Variants in SRRM3 observed in about 807,000 individuals in gnomAD.
The protein encoded by SRRM3 is serine/arginine repetitive matrix protein 3.
A neutral mutation model predicts 66.2 loss-of-function variants in SRRM3; 27 were observed. That is an observed-to-expected ratio of 0.41 (90% CI 0.30 to 0.56). The LOEUF (loss-of-function observed/expected upper bound fraction) is 0.56. Among genes scored for constraint, SRRM3 ranks in the 20% least tolerant of loss-of-function variants. The pLI is 0.32. For missense variants in SRRM3, 918 were observed against 991.9 expected, an observed-to-expected ratio of 0.93 and a Z score of 1.00; for synonymous variants, 391 against 414.9, an observed-to-expected ratio of 0.94 and a Z score of 0.70.
At chr7:76,228,678 C>T (rs539585148) in intron 1 of SRRM3, among the ~76,000 whole-genome samples, 24 of 151,980 alleles carry the variant, frequency 1.6e-4, no homozygotes, top group Non-Finnish European at 1.6e-4. Flanking sequence ...GAGCTGAGAT[C>T]GCACCATTGC....
intron 1 of SRRM3, among the ~76,000 whole-genome samples, chr7:76,223,643 C>T (rs1413198933): frequency 1.3e-5 from 2 of 152,138 alleles, no homozygotes; most frequent in African/African-American, 4.8e-5. Context: ...TCTTTTTCCT[C>T]AGGAGGCACA....
chr7:76,261,018 C>T, intron 6 of SRRM3, 115 bp downstream of exon 6: 1 of 1,153,036 alleles, frequency 8.7e-7, no homozygotes, highest in Non-Finnish European at 1.2e-6. Context: ...TGCACCTGGA[C>T]ACTGCCAAGG....
In SRRM3 at chr7:76,235,235, C is replaced by A; in HGVS notation, c.169C>A (p.His57Asn). 1 of 1,556,018 alleles carries A rather than the reference C, an allele frequency of 6.4e-7. No homozygotes were observed. Among genetic ancestry groups the A allele is most frequent in the East Asian group, 2.4e-5 (1 of 42,050 alleles). The change falls in exon 2 of 15, where the codon CAC (histidine) becomes AAC (asparagine). Residue 57 changes from histidine to asparagine, a missense_variant. His to Asn is a moderately conservative substitution (Grantham distance 68). Coordinates refer to ENST00000611745, the MANE Select transcript of SRRM3 (RefSeq NM_001110199.3). ...GCGCGCGCACCGCGAGATCCTGGAC[C>A]ACGAGCGCAAGCGGCGGGTGGAGCT... is the stretch of plus-strand genomic sequence containing the variant. ...VKRAHREILD[H>N]ERKRRVELKC... is the part of the protein sequence containing the mutation.
In SRRM3 at chr7:76,248,306, G is replaced by A. The variant is rs1801492192; in HGVS notation, c.335+17G>A. ...GGGCCACATGTGAGTGCTTACCTGT[G>A]TGGGGATGAGGGAGAGGGGGTGCAG... On this transcript the variant is annotated intron_variant, in intron 3 of 14. Transcript: ENST00000611745. 2 of 1,595,994 alleles carry A rather than the reference G, an allele frequency of 1.3e-6. No individual in the cohort carries two copies. Among genetic ancestry groups the A allele is most frequent in the Middle Eastern group, 1.7e-4 (1 of 6,040 alleles).
At chr7:76,267,137 A>C (rs1449450784) in intron 10 of SRRM3, 121 bp from the exon 11 acceptor site, 2 of 940,554 alleles carry the variant, frequency 2.1e-6, no homozygotes, top group South Asian at 2.4e-5. Flanking sequence ...GCATGGTGAA[A>C]AGGCAGGTGG....
intron 3 of SRRM3, among the ~76,000 whole-genome samples, chr7:76,249,367 G>A (rs889221825): frequency 4.2e-5 from 6 of 143,548 alleles, no homozygotes; most frequent in East Asian, 2.1e-4. Flanking sequence ...GTGACAGAGC[G>A]AGACTCTGTC....
At position 76,282,951 on chromosome 7, in the gene SRRM3, G is replaced by A; in HGVS notation, c.1596-13G>A. 7.5e-7 allele frequency: 1 copy of A among 1,334,700 alleles called. No individual in the cohort carries two copies. The highest frequency in any genetic ancestry group is 1.9e-5 in the South Asian group (1 of 51,686). The allele number at this position is 1,334,700 out of a possible 1,614,324, so 82.7% of individuals were successfully genotyped here. On this transcript the variant is annotated splice_polypyrimidine_tract_variant and intron_variant, in intron 13 of 14. Transcript: ENST00000611745. ...GGGCCGCGTCGCTCACTTACCTCGC[G>A]CCGGCCCCGCAGGGACAAGGACGGC...
At chr7:76,233,768 G>A (rs1583889710) in intron 1 of SRRM3, among the ~76,000 whole-genome samples, 1 of 152,106 alleles carries the variant, frequency 6.6e-6, no homozygotes, top group African/African-American at 2.4e-5. Flanking sequence ...GTGGAGAAGC[G>A]CAGCCTAGAA....
intron 2 of SRRM3, among the ~76,000 whole-genome samples, chr7:76,243,971 G>A (rs1231761818): frequency 6.6e-6 from 1 of 152,200 alleles, no homozygotes; most frequent in Admixed American, 6.6e-5. Context: ...CCCAGACAAG[G>A]GACCTCCAGG....
chr7:76,281,248 T>G (rs1802493696), intron 11 of SRRM3, among the ~76,000 whole-genome samples, 193 bp from the exon 12 acceptor site: 1 of 150,752 alleles, frequency 6.6e-6, no homozygotes, highest in South Asian at 2.1e-4. Flanking sequence ...CTCTCGCTCT[T>G]TTTCTGTCTC....
Position 76,281,595 on chromosome 7 carries a change from G to C in SRRM3, c.1163G>C (p.Arg388Pro). ...GCGGGCGGGGCGGGCAGGCGGCGGC[G>C]GCGGCGGCGTAGGCGGCGGCGCTCG... ...RAAGGAGRRR[R>P]RRRRRRRSRS... Residue 388 changes from arginine to proline, a missense_variant, in exon 12 of 15, where the codon CGG (arginine) becomes CCG (proline). Coordinates refer to ENST00000611745, the MANE Select transcript of SRRM3 (RefSeq NM_001110199.3). The C allele has an allele frequency of 1.0e-6, 1 of 979,744 alleles. No homozygotes were observed. The highest frequency in any genetic ancestry group is 1.2e-6 in the Non-Finnish European group (1 of 827,244). The allele number at this position is 979,744 out of a possible 1,614,324, so 60.7% of individuals were successfully genotyped here.
At chr7:76,207,028 C>T (rs1800316692) in intron 1 of SRRM3, among the ~76,000 whole-genome samples, 1 of 152,204 alleles carries the variant, frequency 6.6e-6, no homozygotes, top group Non-Finnish European at 1.5e-5. Flanking sequence ...TTTCCCAGGA[C>T]TTCCCAGGAC....
intron 1 of SRRM3, among the ~76,000 whole-genome samples, chr7:76,227,671 C>T (rs967305603): frequency 6.6e-6 from 1 of 152,182 alleles, no homozygotes; most frequent in Non-Finnish European, 1.5e-5. Flanking sequence ...CCTGAACCAG[C>T]CTGTGAGCTT....
chr7:76,282,795 C>CA lies in SRRM3; in HGVS notation c.1521dup (p.Ser508IlefsTer37). 6.8e-7 allele frequency: 1 copy of CA among 1,466,470 alleles called. No homozygotes were observed. Among genetic ancestry groups the CA allele is most frequent in the South Asian group, 1.3e-5 (1 of 77,518 alleles). The allele number at this position is 1,466,470 out of a possible 1,614,324, so 90.8% of individuals were successfully genotyped here. A position where few individuals can be genotyped will look rare whatever the true frequency, so the allele number is the denominator to read the frequency against. ...CCTGGAGCTCCAGCCGCTCGCCCTC[C>CA]AAATCTCGCTCGCGCTCTGCGGAGA... On this transcript the variant is annotated frameshift_variant, in exon 13 of 15. Transcript: ENST00000611745. LOFTEE classifies it high-confidence loss of function.
Position 76,210,063 on chromosome 7 carries a change from G to A in SRRM3, c.-40+7996G>A, listed in dbSNP as rs1298948171. 2.0e-5 allele frequency among the ~76,000 whole-genome samples: 3 copies of A among 152,212 alleles called. No homozygotes were observed. In the East Asian group the frequency reaches 5.8e-4, roughly 29 times the overall value. ...GACCTAGAGCAGAGAGGTCAGGGAG[G>A]TGTCTGTCTGCCTATTCATGTGGGC... On this transcript the variant is annotated intron_variant, in intron 1 of 14. Coordinates refer to ENST00000611745, the MANE Select transcript of SRRM3 (RefSeq NM_001110199.3).
chr7:76,261,487 A>T, intron 7 of SRRM3, 59 bp from the exon 8 acceptor site: 2 of 1,598,774 alleles, frequency 1.3e-6, no homozygotes, highest in Non-Finnish European at 1.7e-6. Flanking sequence ...GTGGCCCTCC[A>T]TAGGTCTCCC....
At chr7:76,242,106 G>C (rs1043928462) in intron 2 of SRRM3, among the ~76,000 whole-genome samples, 9 of 152,130 alleles carry the variant, frequency 5.9e-5, no homozygotes, top group Admixed American at 4.6e-4. Flanking sequence ...AGACACCCCA[G>C]ACTCCTTAAA....
chr7:76,264,696 C>G (rs1801964883), intron 8 of SRRM3, 69 bp from the exon 9 acceptor site: 11 of 1,541,142 alleles, frequency 7.1e-6, no homozygotes, highest in Non-Finnish European at 9.8e-6. Context: ...TGAGTATACC[C>G]AGGCTCCAGG....
intron 1 of SRRM3, among the ~76,000 whole-genome samples, chr7:76,224,052 C>G (rs1800794406): frequency 1.2e-5 from 1 of 82,546 alleles, no homozygotes. Flanking sequence ...TCCCCTCTCT[C>G]CCTCTCCCTT....
Sources: gnomAD v4.1 joint callset for allele counts (sites outside exome capture counted in the v4.1 genomes callset) on GRCh38, gnomAD v4.1.1 for gene constraint, MANE v1.5 for transcripts, NCBI Gene and HGNC (gene_info 2026-07-23, HGNC 2026-07-21) for gene names.